PRR3: variants seen among roughly 807,000 people sequenced by gnomAD.
PRR3 encodes proline rich 3, also known as proline-rich protein 3.
A neutral mutation model predicts 22.4 loss-of-function variants in PRR3; 16 were observed. The observed-to-expected ratio is 0.71, with a 90% CI of 0.48 to 1.09. The LOEUF is 1.09. Ranked by LOEUF, PRR3 falls within the 50% of genes least tolerant of loss-of-function variation. The pLI is 0.00. For missense variants in PRR3, 224 were observed against 243.4 expected (o/e 0.92, Z 0.53); for synonymous variants, 87 against 88.6 (o/e 0.98, Z 0.10).
At chr6:30,562,181 C>G in intron 3 of PRR3, 57 bp downstream of exon 3, 1 of 1,478,640 alleles carries the variant, frequency 6.8e-7, no homozygotes, top group Non-Finnish European at 9.1e-7. Context: ...TTCAGAAGAT[C>G]ATTCACAATC....
In PRR3 at chr6:30,562,637, C is replaced by T. The variant is rs1236368760; in HGVS notation, c.*142C>T. 6.4e-6 allele frequency: 4 copies of T among 626,692 alleles called. No homozygotes were observed. The highest frequency in any genetic ancestry group is 2.7e-5 in the East Asian group (1 of 37,002). 38.8% of individuals were successfully genotyped at this position (626,692 alleles called of 1,614,324 possible). On this transcript the variant is annotated 3_prime_UTR_variant, in exon 4 of 4. Coordinates refer to ENST00000376560, the MANE Select transcript of PRR3 (RefSeq NM_025263.4). The stretch of plus-strand genomic sequence containing the variant: ...CACCCATCCCATCCACCACTTCCCC[C>T]GTGTGGGGTCCAGAGTGGTGTTGCA...
In PRR3 at chr6:30,561,827, TC is replaced by T; in HGVS notation, c.170-6del. On this transcript the variant is annotated splice_polypyrimidine_tract_variant and splice_region_variant and intron_variant, in intron 2 of 3. Transcript: ENST00000376560. This position sits in a 1 kb window ranked among gnomAD's most constrained non-coding sequence, Gnocchi z 4.0. ...CTTTCTGTGTCTCTCTCTCTCTCTC[TC>T]TCCAGCTCTTCACAGAGGTCCTCCA... is the stretch of plus-strand genomic sequence containing the variant. 48 of 1,531,520 alleles carry T rather than the reference TC, an allele frequency of 3.1e-5. No homozygotes were observed. Among genetic ancestry groups the T allele is most frequent in the South Asian group, 4.9e-5 (4 of 82,122 alleles). The allele number at this position is 1,531,520 out of a possible 1,614,324, so 94.9% of individuals were successfully genotyped here.
At position 30,558,176 on chromosome 6, in the gene PRR3, C is replaced by G. The variant is rs777183814; in HGVS notation, c.133C>G (p.Pro45Ala). Residue 45 changes from proline to alanine, a missense_variant, in exon 2 of 4, where the codon CCC becomes GCC. By Grantham distance (27) the Pro-to-Ala change is conservative. Transcript: ENST00000376560. ...ACCACCCAGCCTTCTGGGCCCTCCCCCCATGGCCAATGGAAAACCTGGCGA... is the reference window on the plus strand; with the variant it reads ...ACCACCCAGCCTTCTGGGCCCTCCCGCCATGGCCAATGGAAAACCTGGCGA... ...IGPPSLLGPPPMANGKPGDPK... is the reference protein window; with the variant it reads ...IGPPSLLGPPAMANGKPGDPK... 1 of 1,613,054 alleles carries G rather than the reference C, an allele frequency of 6.2e-7. No individual in the cohort carries two copies.
rs1800731362 is a variant in PRR3 at position 30,562,813 on chromosome 6, T to C, written c.*318T>C. 3.9e-6 allele frequency: 1 copy of C among 253,380 alleles called. No homozygotes were observed. Among genetic ancestry groups the C allele is most frequent in the Non-Finnish European group, 7.5e-6 (1 of 133,324 alleles). 15.7% of individuals were successfully genotyped at this position (253,380 alleles called of 1,614,324 possible). On this transcript the variant is annotated 3_prime_UTR_variant, in exon 4 of 4. Transcript: ENST00000376560. ...CAGGAAACCTCTTTGGTGCTGTTTCTTGTGCATCTGTCCACCTGTTCCCCA... is the reference window on the plus strand; with the variant it reads ...CAGGAAACCTCTTTGGTGCTGTTTCCTGTGCATCTGTCCACCTGTTCCCCA...
rs889885646 is a variant in PRR3, at chr6:30,563,655, T to A, written c.*1160T>A. The stretch of plus-strand genomic sequence containing the variant: ...GTTGGAGAACTGAGAATGAGGTTTT[T>A]TTTTTTTTTTTCTTTTTAACTTTTT... On this transcript the variant is annotated 3_prime_UTR_variant, in exon 4 of 4. Coordinates refer to ENST00000376560, the MANE Select transcript of PRR3 (RefSeq NM_025263.4). The A allele has an allele frequency of 3.3e-5, 5 of 152,330 alleles. No homozygotes were observed. The highest frequency in any genetic ancestry group is 1.2e-4 in the African/African-American group (5 of 41,404). The allele number at this position is 152,330 out of a possible 1,614,324, so 9.4% of individuals were successfully genotyped here. A position where few individuals can be genotyped will look rare whatever the true frequency, so the allele number is the denominator to read the frequency against.
chr6:30,561,874 T>C lies in PRR3; in HGVS notation c.210T>C (p.Ile70=), dbSNP rs1561763040. 6.3e-7 allele frequency: 1 copy of C among 1,592,068 alleles called. No homozygotes were observed. The highest frequency in any genetic ancestry group is 8.5e-7 in the Non-Finnish European group (1 of 1,169,706). ...CTCCAGGATCAAGGGGACCACTGAT[T>C]CCACCACTGCTGAGTCTCCCACCTC... ...RGPPGSRGPL[I]PPLLSLPPPP... is the part of the protein sequence containing the mutation. The change falls in exon 3 of 4, where the codon ATT becomes ATC. Residue 70 remains isoleucine, a synonymous_variant. Coordinates refer to ENST00000376560, the MANE Select transcript of PRR3 (RefSeq NM_025263.4). This position sits in a 1 kb window ranked among gnomAD's most constrained non-coding sequence, Gnocchi z 4.0.
In PRR3 at chr6:30,562,597, C is replaced by A; in HGVS notation, c.*102C>A. On this transcript the variant is annotated 3_prime_UTR_variant, in exon 4 of 4. Transcript: ENST00000376560. ...GGCTACTGTGAGGCTCTTCTAACAC[C>A]CTCAGTCAGTGACACACCCATCCCA... is the stretch of plus-strand genomic sequence containing the variant. 1 of 756,718 alleles carries A rather than the reference C, an allele frequency of 1.3e-6. No individual in the cohort carries two copies. 46.9% of individuals were successfully genotyped at this position (756,718 alleles called of 1,614,324 possible). A position where few individuals can be genotyped will look rare whatever the true frequency, so the allele number is the denominator to read the frequency against.
chr6:30,557,543 G>A (rs1164634231), intron 1 of PRR3, 93 bp downstream of exon 1: 4 of 838,136 alleles, frequency 4.8e-6, no homozygotes, highest in Non-Finnish European at 7.5e-6. Context: ...GGGCTGTAAC[G>A]GAAGGAGGAA....
intron 2 of PRR3, chr6:30,559,969 A>C (rs1469109189): frequency 6.6e-6 from 1 of 152,238 alleles, no homozygotes; most frequent in Non-Finnish European, 1.5e-5. Context: ...CAGCCTTATG[A>C]AGGAAGAAAG....
At chr6:30,557,197 CGCA>C, upstream of PRR3, 1 of 734,120 alleles carries the variant, frequency 1.4e-6, no homozygotes, top group Non-Finnish European at 2.4e-6. Context: ...ATGCGGCCGC[CGCA>C]GATGTTCTCC....
chr6:30,562,235 CA>C (rs757586287), intron 3 of PRR3, 111 bp downstream of exon 3: 18 of 1,284,742 alleles, frequency 1.4e-5, no homozygotes, highest in Non-Finnish European at 1.9e-5. Context: ...AAGTAGACCT[CA>C]ATGTTATTTC....
intron 2 of PRR3, chr6:30,560,908 G>A (rs2516641): frequency 0.73 from 115,353 of 158,486 alleles, 42,405 homozygotes; most frequent in African/African-American, 0.84. Flanking sequence ...AATAAAAACC[G>A]AACAAAACAA....
In PRR3 at chr6:30,557,429, G is replaced by A. The variant is rs756236150; in HGVS notation, c.85G>A (p.Glu29Lys). 3.7e-6 allele frequency: 6 copies of A among 1,611,556 alleles called. No individual in the cohort carries two copies. Among genetic ancestry groups the A allele is most frequent in the Non-Finnish European group, 5.1e-6 (6 of 1,179,356 alleles). The change falls in exon 1 of 4, where the codon GAG becomes AAG. Residue 29 changes from glutamate (E) to lysine (K), a missense_variant. Transcript: ENST00000376560. ...GCCCGAGCGGGAAGAGACTGGAGATGAGGAGGATGGGAGTCCCATCGGTGA... is the reference window on the plus strand; with the variant it reads ...GCCCGAGCGGGAAGAGACTGGAGATAAGGAGGATGGGAGTCCCATCGGTGA... ...PLPEREETGD[E>K]EDGSPIGPPS...
rs1800758424 is a variant in PRR3, at chr6:30,563,126, T to A, written c.*631T>A. Reference sequence around the variant, plus strand: ...TCACCGTGCTTTGTGAAACTGTGCATCCCCTTGTAGCCTTTCTCAGTGTCC... The same window carrying A: ...TCACCGTGCTTTGTGAAACTGTGCAACCCCTTGTAGCCTTTCTCAGTGTCC... On this transcript the variant is annotated 3_prime_UTR_variant, in exon 4 of 4. Transcript: ENST00000376560. 1 of 152,668 alleles carries A rather than the reference T, an allele frequency of 6.6e-6. No homozygotes were observed. The highest frequency in any genetic ancestry group is 1.5e-5 in the Non-Finnish European group (1 of 68,076). 9.5% of individuals were successfully genotyped at this position (152,668 alleles called of 1,614,324 possible). A position where few individuals can be genotyped will look rare whatever the true frequency, so the allele number is the denominator to read the frequency against.
chr6:30,562,189 A>G (rs1372691259), intron 3 of PRR3, 65 bp downstream of exon 3: 19 of 1,481,920 alleles, frequency 1.3e-5, no homozygotes, highest in Admixed American at 2.2e-5. Context: ...ATCATTCACA[A>G]TCTTCTCTGG....
intron 1 of PRR3, 113 bp from the exon 2 acceptor site, chr6:30,558,037 A>T: frequency 1.1e-6 from 1 of 900,746 alleles, no homozygotes. Context: ...CTGAAAATAT[A>T]CCTGACTTTA....
upstream of PRR3, chr6:30,556,800 C>G: frequency 2.1e-6 from 1 of 478,996 alleles, no homozygotes; most frequent in Non-Finnish European, 3.8e-6. The surrounding 1 kb of genome is among the most constrained non-coding windows in gnomAD (Gnocchi z 5.7). Flanking sequence ...TCCTGGGTGC[C>G]GACCTGTTGG....
In PRR3 at chr6:30,561,795, T is replaced by C. The variant is rs1356741721; in HGVS notation, c.170-39T>C. The C allele has an allele frequency of 9.4e-6, 14 of 1,483,540 alleles. No homozygotes were observed. The highest frequency in any genetic ancestry group is 1.2e-5 in the Non-Finnish European group (13 of 1,115,152). The allele number at this position is 1,483,540 out of a possible 1,614,324, so 91.9% of individuals were successfully genotyped here. A position where few individuals can be genotyped will look rare whatever the true frequency, so the allele number is the denominator to read the frequency against. On this transcript the variant is annotated intron_variant, in intron 2 of 3. Transcript: ENST00000376560. This position sits in a 1 kb window ranked among gnomAD's most constrained non-coding sequence, Gnocchi z 4.0. The stretch of plus-strand genomic sequence containing the variant: ...GGTTTATCAGGATTCAGCTGCCCAT[T>C]AGACACCTTTCTGTGTCTCTCTCTC...
intron 2 of PRR3, 143 bp downstream of exon 2, chr6:30,558,355 T>G (rs1800400550): frequency 1.5e-6 from 1 of 670,534 alleles, no homozygotes; most frequent in Admixed American, 2.8e-5. Flanking sequence ...ATTTGCTGAT[T>G]TAAAAACTCA....
Sources: gnomAD v4.1 joint callset for allele counts on GRCh38, gnomAD v4.1.1 for gene constraint, Gnocchi (gnomAD v3.1) non-coding constraint, MANE v1.5 for transcripts, NCBI Gene and HGNC (gene_info 2026-07-23, HGNC 2026-07-21) for gene names.